The following GPC5 variants were observed in gnomAD, a reference collection of about 807,000 sequenced individuals.
GPC5 encodes the protein glypican 5, also known as glypican-5.
A neutral mutation model predicts 53.9 loss-of-function variants in GPC5; 47 were observed. That is an observed-to-expected ratio of 0.87 (90% CI 0.69 to 1.11). The LOEUF is 1.11. Ranked by LOEUF, GPC5 falls within the 50% of genes most tolerant of loss-of-function variation. The pLI, the probability that GPC5 is intolerant of heterozygous loss-of-function variation, is 0.00. For missense variants in GPC5, 748 were observed against 713.1 expected (o/e 1.05, Z -0.56); for synonymous variants, 286 against 263.3 (o/e 1.09, Z -0.84).
chr13:91,677,985 T>C (rs2035422059), intron 2 of GPC5, among the ~76,000 whole-genome samples: 1 of 152,218 alleles, frequency 6.6e-6, no homozygotes, highest in Non-Finnish European at 1.5e-5. Flanking sequence ...CTTGGTCTGA[T>C]TGATTTTGTG....
intron 6 of GPC5, among the ~76,000 whole-genome samples, chr13:91,938,525 T>C (rs1379553569): frequency 2.6e-5 from 4 of 152,156 alleles, no homozygotes; most frequent in Non-Finnish European, 4.4e-5. Context: ...TCACTAAGAT[T>C]GATTCCTTTG....
Position 92,818,211 on chromosome 13 carries a change from T to C in GPC5, c.1562-48071T>C, listed in dbSNP as rs574016595. 3.3e-5 allele frequency among the ~76,000 whole-genome samples: 5 copies of C among 151,866 alleles called. No individual in the cohort carries two copies. The East Asian group carries it at 9.8e-4, about 30-fold the overall frequency. ...TCTTCAGTAAAGATGGGGTTCACCA[T>C]ATTGGCCAGGCTGGTCTCGAACTCC... On this transcript the variant is annotated intron_variant, in intron 7 of 7. Coordinates refer to ENST00000377067, the MANE Select transcript of GPC5 (RefSeq NM_004466.6).
chr13:92,727,974 AT>A (rs1394954909), intron 7 of GPC5, among the ~76,000 whole-genome samples: 1 of 151,410 alleles, frequency 6.6e-6, no homozygotes, highest in Admixed American at 6.6e-5. Flanking sequence ...TTATAAAAAA[AT>A]CTCTCCATGT....
intron 2 of GPC5, among the ~76,000 whole-genome samples, chr13:91,638,294 T>C (rs2034332993): frequency 6.6e-6 from 1 of 152,198 alleles, no homozygotes; most frequent in Non-Finnish European, 1.5e-5. Flanking sequence ...CTTTGTATTT[T>C]TCCTTATTGA....
intron 5 of GPC5, among the ~76,000 whole-genome samples, chr13:91,801,765 G>C (rs2038139816): frequency 2.0e-5 from 3 of 152,170 alleles, no homozygotes; most frequent in Admixed American, 2.0e-4. Context: ...CTATTGCTAA[G>C]TTGATGTGGG....
chr13:92,822,748 A>G (rs1011596585), intron 7 of GPC5, among the ~76,000 whole-genome samples: 3 of 152,136 alleles, frequency 2.0e-5, no homozygotes, highest in African/African-American at 7.2e-5. Context: ...AATTAATGAT[A>G]TGAAAAGCTT....
chr13:91,574,605 A>G (rs1018530426), intron 2 of GPC5, among the ~76,000 whole-genome samples: 6 of 152,260 alleles, frequency 3.9e-5, no homozygotes, highest in Non-Finnish European at 7.4e-5. Flanking sequence ...AAAATATTAG[A>G]AAGTTATAGA....
chr13:92,530,468 GTT>G (rs1310163188), intron 7 of GPC5, among the ~76,000 whole-genome samples: 1 of 152,036 alleles, frequency 6.6e-6, no homozygotes, highest in African/African-American at 2.4e-5. Context: ...TGGCATTGAA[GTT>G]TTTTTGTTTT....
At chr13:92,107,932 A>G (rs1280626502) in intron 6 of GPC5, among the ~76,000 whole-genome samples, 1 of 152,170 alleles carries the variant, frequency 6.6e-6, no homozygotes, top group African/African-American at 2.4e-5. Flanking sequence ...AAATCCATCC[A>G]ATACTAATTT....
In GPC5 at chr13:92,771,502, C is replaced by T. The variant is rs534069231; in HGVS notation, c.1562-94780C>T. On this transcript the variant is annotated intron_variant, in intron 7 of 7. Transcript: ENST00000377067. Reference sequence around the variant, plus strand: ...GGATTACAGGCGCCTGCCACCATGCCCGGCTAATTTTTTTGCATTTTTAGT... The same window carrying T: ...GGATTACAGGCGCCTGCCACCATGCTCGGCTAATTTTTTTGCATTTTTAGT... 2.0e-5 allele frequency among the ~76,000 whole-genome samples: 3 copies of T among 152,054 alleles called. No individual in the cohort carries two copies. In the South Asian group the frequency reaches 6.2e-4, roughly 32 times the overall value.
intron 6 of GPC5, among the ~76,000 whole-genome samples, chr13:91,934,386 G>C (rs1425233263): frequency 2.6e-5 from 4 of 151,822 alleles, no homozygotes; most frequent in Non-Finnish European, 5.9e-5. Context: ...ATGACCCTGG[G>C]CAGTGACACA....
At chr13:92,865,778 C>G (rs1879316926) in intron 7 of GPC5, among the ~76,000 whole-genome samples, 1 of 152,006 alleles carries the variant, frequency 6.6e-6, no homozygotes, top group Non-Finnish European at 1.5e-5. Flanking sequence ...TAAAATTTGT[C>G]AAGTAAAAAT....
At chr13:92,475,577 G>T (rs1384403601) in intron 7 of GPC5, among the ~76,000 whole-genome samples, 1 of 151,954 alleles carries the variant, frequency 6.6e-6, no homozygotes, top group Non-Finnish European at 1.5e-5. Flanking sequence ...TGCTGAAGTT[G>T]CTTATCAGCT....
At chr13:92,337,317 A>G (rs1334086184) in intron 7 of GPC5, among the ~76,000 whole-genome samples, 1 of 152,190 alleles carries the variant, frequency 6.6e-6, no homozygotes, top group Non-Finnish European at 1.5e-5. Context: ...ATGGAGAGAT[A>G]GTCTATGTTC....
At chr13:91,539,301 T>C (rs2029863805) in intron 2 of GPC5, among the ~76,000 whole-genome samples, 1 of 149,676 alleles carries the variant, frequency 6.7e-6, no homozygotes, top group African/African-American at 2.6e-5. Context: ...CTTTAAAAAG[T>C]GAGTGGGGAA....
At chr13:91,540,380 T>C (rs2138739534) in intron 2 of GPC5, among the ~76,000 whole-genome samples, 1 of 152,348 alleles carries the variant, frequency 6.6e-6, no homozygotes, top group East Asian at 1.9e-4. Flanking sequence ...ACATACTGTA[T>C]GATTCTATTT....
chr13:91,427,718 G>T (rs934470827), intron 1 of GPC5, among the ~76,000 whole-genome samples: 1 of 152,216 alleles, frequency 6.6e-6, no homozygotes, highest in South Asian at 2.1e-4. Context: ...CATGAGATTT[G>T]GGAGGAGCCA....
At chr13:91,826,825 GTGTA>G (rs2038582912) in intron 5 of GPC5, among the ~76,000 whole-genome samples, 1 of 152,044 alleles carries the variant, frequency 6.6e-6, no homozygotes, top group Admixed American at 6.6e-5. Context: ...GTGTTTGTGT[GTGTA>G]TGTATGTGCA....
chr13:91,927,075 A>G (rs1023217326), intron 6 of GPC5, among the ~76,000 whole-genome samples: 1 of 152,198 alleles, frequency 6.6e-6, no homozygotes, highest in Admixed American at 6.5e-5. Flanking sequence ...AAAAATACTT[A>G]AAATCATAGA....
Sources: gnomAD v4.1 joint callset for allele counts (sites outside exome capture counted in the v4.1 genomes callset) on GRCh38, gnomAD v4.1.1 for gene constraint, MANE v1.5 for transcripts, NCBI Gene and HGNC (gene_info 2026-07-23, HGNC 2026-07-21) for gene names.